The following MCMDC2 variants were observed in gnomAD, a reference collection of about 807,000 sequenced individuals.
The protein encoded by MCMDC2 is minichromosome maintenance domain-containing protein 2.
In MCMDC2, 54 loss-of-function variants were observed where a neutral mutation model predicts 75.8. The observed-to-expected ratio is 0.71, with a 90% CI of 0.57 to 0.89. The LOEUF is 0.89. MCMDC2 is among the 40% of genes least tolerant of loss of function. MCMDC2 has a pLI of 0.00. For synonymous variants in MCMDC2, 249 were observed against 274.6 expected (o/e 0.91, Z 0.92); for missense variants, 656 against 780.4 (o/e 0.84, Z 1.90).
In MCMDC2 at chr8:66,877,403, G is replaced by T. The variant is rs971724437; in HGVS notation, c.340G>T (p.Asp114Tyr). Residue 114 changes from aspartate to tyrosine, a missense_variant, in exon 5 of 15, where the codon GAT (aspartate) becomes TAT (tyrosine). Physicochemically the swap from Asp to Tyr is radical, Grantham distance 160. Transcript: ENST00000422365. ...ACCTCCCCTGCCAAGTTATGGTCTTGATCTTTGTGAGTTTCCACTTGATTA... is the reference window on the plus strand; with the variant it reads ...ACCTCCCCTGCCAAGTTATGGTCTTTATCTTTGTGAGTTTCCACTTGATTA... The part of the protein sequence containing the change: ...HLPPLPSYGL[D>Y]LCEFPLDYTS... The T allele has an allele frequency of 1.2e-6, 2 of 1,613,136 alleles. No homozygotes were observed. Among genetic ancestry groups the T allele is most frequent in the Non-Finnish European group, 1.7e-6 (2 of 1,179,504 alleles).
At chr8:66,922,394 T>C, downstream of MCMDC2, 2 of 454,420 alleles carry the variant, frequency 4.4e-6, no homozygotes, top group Non-Finnish European at 8.9e-6. Flanking sequence ...ACCTATATGC[T>C]AAAAACAAAG....
chr8:66,919,338 G>A lies in MCMDC2; in HGVS notation c.*169G>A, dbSNP rs540496683. 3 of 465,770 alleles carry A rather than the reference G, an allele frequency of 6.4e-6. No homozygotes were observed. The highest frequency in any genetic ancestry group is 6.0e-5 in the African/African-American group (3 of 49,878). 28.9% of individuals were successfully genotyped at this position (465,770 alleles called of 1,614,324 possible). The stretch of plus-strand genomic sequence containing the variant: ...TCCCCTCAAAACTAATTGCTAATGG[G>A]ATAAATACTAATCCAAACCTCTAAA... On this transcript the variant is annotated 3_prime_UTR_variant, in exon 15 of 15. Coordinates refer to ENST00000422365, the MANE Select transcript of MCMDC2 (RefSeq NM_173518.5).
At chr8:66,892,979 G>T (rs1388760401) in intron 10 of MCMDC2, among the ~76,000 whole-genome samples, 1 of 152,144 alleles carries the variant, frequency 6.6e-6, no homozygotes, top group African/African-American at 2.4e-5. Flanking sequence ...TATTTTTGTT[G>T]AGGATTTTTT....
chr8:66,872,578 G>A (rs914169521), intron 1 of MCMDC2, among the ~76,000 whole-genome samples: 1 of 151,930 alleles, frequency 6.6e-6, no homozygotes, highest in Non-Finnish European at 1.5e-5. Context: ...TCTTTCTGAA[G>A]GATAGGGACA....
Position 66,896,879 on chromosome 8 carries a change from C to T in MCMDC2, c.1546C>T (p.His516Tyr). The stretch of plus-strand genomic sequence containing the variant: ...CCACCCATTTCTTCCTACTGTGCAA[C>T]ACACTTTGAACAAAGCCATTAATCC... ...PCHPFLPTVQ[H>Y]TLNKAINPEG... Residue 516 changes from histidine to tyrosine, a missense_variant, in exon 12 of 15, where the codon CAC becomes TAC. Coordinates refer to ENST00000422365, the MANE Select transcript of MCMDC2 (RefSeq NM_173518.5). 6.2e-7 allele frequency: 1 copy of T among 1,613,618 alleles called. No individual in the cohort carries two copies. Among genetic ancestry groups the T allele is most frequent in the Non-Finnish European group, 8.5e-7 (1 of 1,179,784 alleles).
intron 14 of MCMDC2, among the ~76,000 whole-genome samples, chr8:66,914,127 T>A (rs534687637): frequency 1.7e-4 from 26 of 150,094 alleles, no homozygotes; most frequent in African/African-American, 3.7e-4. Flanking sequence ...AGAAAAAAAA[T>A]TTTTTAATAG....
In MCMDC2 at chr8:66,896,172, C is replaced by T. The variant is rs1812341384; in HGVS notation, c.1282C>T (p.Leu428=). The T allele has an allele frequency of 6.2e-7, 1 of 1,602,752 alleles. No individual in the cohort carries two copies. The highest frequency in any genetic ancestry group is 1.1e-5 in the South Asian group (1 of 87,638). Residue 428 remains leucine (L), a splice_region_variant and synonymous_variant, in exon 11 of 15, where the codon CTG becomes TTG. Transcript: ENST00000422365. ...KDKLEQLQTV[L]ESRSITVYIP... Reference sequence around the variant, plus strand: ...ATGGATAATGTCTTCTGACTTAGTTCTGGAGAGCAGAAGCATCACAGTGTA... The same window carrying T: ...ATGGATAATGTCTTCTGACTTAGTTTTGGAGAGCAGAAGCATCACAGTGTA...
In MCMDC2 at chr8:66,883,928, G is replaced by A. The variant is rs140963222; in HGVS notation, c.1007G>A (p.Arg336His). 1,281 of 1,613,914 alleles carry A rather than the reference G, an allele frequency of 7.9e-4. 18 individuals are homozygous for A. In the African/African-American group the frequency reaches 0.015, roughly 19 times the overall value. The change falls in exon 9 of 15, where the codon CGT becomes CAT. Residue 336 changes from arginine (R) to histidine (H), a missense_variant. By Grantham distance (29) the Arg-to-His change is conservative (BLOSUM62 0). Transcript: ENST00000422365. ...ATGAGTCTAGTACAGACAACTGACCGTAACAAGGAACTGGAAGATTGCCTG... is the reference window on the plus strand; with the variant it reads ...ATGAGTCTAGTACAGACAACTGACCATAACAAGGAACTGGAAGATTGCCTG... ...LLMSLVQTTD[R>H]NKELEDCLDI... is the part of the protein sequence containing the mutation.
chr8:66,906,918 G>A (rs985328426), intron 14 of MCMDC2, among the ~76,000 whole-genome samples: 3 of 151,888 alleles, frequency 2.0e-5, no homozygotes, highest in South Asian at 2.1e-4. Context: ...ACAGGCATGC[G>A]CCACCACGCC....
chr8:66,875,695 A>G (rs966761986), intron 4 of MCMDC2, among the ~76,000 whole-genome samples: 4 of 152,242 alleles, frequency 2.6e-5, no homozygotes, highest in Admixed American at 6.5e-5. Flanking sequence ...TTTCAAGAAT[A>G]TCTTACAATA....
intron 7 of MCMDC2, 61 bp downstream of exon 7, chr8:66,878,980 A>G: frequency 3.9e-6 from 4 of 1,022,136 alleles, no homozygotes; most frequent in Non-Finnish European, 4.5e-6. Context: ...GGCTGGGCAC[A>G]GTGGCTGGCT....
intron 13 of MCMDC2, among the ~76,000 whole-genome samples, chr8:66,902,707 AAAAAATATATATATATAT>A (rs1190110465): frequency 8.2e-6 from 1 of 121,218 alleles, no homozygotes; most frequent in Non-Finnish European, 1.6e-5. Context: ...AAAAAAAAAA[AAAAAATATATATATATAT>A]ATATATATAT....
At chr8:66,903,800 G>A (rs180978499) in intron 13 of MCMDC2, among the ~76,000 whole-genome samples, 2 of 152,056 alleles carry the variant, frequency 1.3e-5, no homozygotes, top group Admixed American at 1.3e-4. Context: ...ATTCTGTCCC[G>A]GTCAACATTT....
chr8:66,890,830 A>G (rs1361427323), intron 9 of MCMDC2, 35 bp from the exon 10 acceptor site: 1 of 1,529,326 alleles, frequency 6.5e-7, no homozygotes, highest in Non-Finnish European at 8.9e-7. Context: ...TGAAAATTAA[A>G]TAATAGTAAT....
chr8:66,918,119 T>C (rs1473633497), intron 14 of MCMDC2, among the ~76,000 whole-genome samples: 1 of 152,218 alleles, frequency 6.6e-6, no homozygotes, highest in Non-Finnish European at 1.5e-5. Flanking sequence ...TAGTAGCTCA[T>C]TGTAGTTTTG....
intron 12 of MCMDC2, among the ~76,000 whole-genome samples, chr8:66,900,352 C>CCCAGAG (rs1371989830): frequency 1.3e-5 from 2 of 152,004 alleles, no homozygotes; most frequent in Non-Finnish European, 2.9e-5. Context: ...ACAGGAGAAT[C>CCCAGAG]GCTTGAACCC....
intron 13 of MCMDC2, among the ~76,000 whole-genome samples, chr8:66,902,048 G>A (rs1299960708): frequency 6.6e-6 from 1 of 151,868 alleles, no homozygotes; most frequent in Non-Finnish European, 1.5e-5. Flanking sequence ...CAGCCTCAGG[G>A]CTGGGTGCAG....
intron 4 of MCMDC2, among the ~76,000 whole-genome samples, chr8:66,875,759 A>T (rs1254645049): frequency 7.9e-5 from 12 of 152,214 alleles, no homozygotes; most frequent in Admixed American, 7.9e-4. Flanking sequence ...ATTGGTTCTT[A>T]CATCTCACTA....
At chr8:66,918,900 A>C (rs1813419349) in intron 14 of MCMDC2, 103 bp from the exon 15 acceptor site, 1 of 1,065,200 alleles carries the variant, frequency 9.4e-7, no homozygotes, top group African/African-American at 1.6e-5. Flanking sequence ...GCTCAGACTT[A>C]ATTTTTAAGA....
Sources: allele counts gnomAD v4.1 joint callset (sites outside exome capture counted in the v4.1 genomes callset), GRCh38; gene constraint gnomAD v4.1.1; transcripts MANE v1.5; gene names NCBI Gene and HGNC (gene_info 2026-07-23, HGNC 2026-07-21).